Variants in FAM107B observed in about 807,000 individuals in gnomAD.
FAM107B encodes protein FAM107B.
A neutral mutation model predicts 31.5 loss-of-function variants in FAM107B; 21 were observed. That is an observed-to-expected ratio of 0.67 (90% CI 0.47 to 0.96). The LOEUF (loss-of-function observed/expected upper bound fraction) is 0.96. Ranked by LOEUF, FAM107B falls within the 40% of genes least tolerant of loss-of-function variation. The pLI is 0.00. For synonymous variants in FAM107B, 157 were observed against 141.5 expected (o/e 1.11, Z -0.78); for missense variants, 452 against 377.1 (o/e 1.20, Z -1.64).
chr10:14,575,804 CG>C (rs1283163239), intron 2 of FAM107B, among the ~76,000 whole-genome samples: 4 of 152,130 alleles, frequency 2.6e-5, no homozygotes, highest in Admixed American at 2.0e-4. Context: ...TTTTAAAATG[CG>C]GGCTGTGACC....
At chr10:14,692,803 G>C (rs910498796) in intron 1 of FAM107B, among the ~76,000 whole-genome samples, 1 of 152,182 alleles carries the variant, frequency 6.6e-6, no homozygotes, top group Non-Finnish European at 1.5e-5. Context: ...CTTGCTGCAC[G>C]GGCCGGGGTT....
intron 1 of FAM107B, among the ~76,000 whole-genome samples, chr10:14,754,794 A>G (rs1407406567): frequency 1.3e-5 from 2 of 152,252 alleles, no homozygotes; most frequent in Admixed American, 6.5e-5. Flanking sequence ...TGATAGGTAC[A>G]GCACATCTGC....
At chr10:14,718,849 T>C (rs746646456) in intron 1 of FAM107B, among the ~76,000 whole-genome samples, 9 of 152,208 alleles carry the variant, frequency 5.9e-5, no homozygotes, top group Non-Finnish European at 1.2e-4. Context: ...TTAGGAATGC[T>C]AACTTGGCTT....
intron 1 of FAM107B, among the ~76,000 whole-genome samples, chr10:14,670,280 G>A (rs1327574): frequency 0.18 from 27,481 of 152,140 alleles, 2,522 homozygotes; most frequent in Middle Eastern, 0.26. Context: ...ATTGGCATAA[G>A]CAATTTGGGT....
intron 2 of FAM107B, among the ~76,000 whole-genome samples, chr10:14,578,604 C>T (rs1469914565): frequency 1.3e-5 from 2 of 152,128 alleles, no homozygotes; most frequent in Non-Finnish European, 2.9e-5. Flanking sequence ...TCTTCATTTG[C>T]GACATATTTT....
intron 1 of FAM107B, among the ~76,000 whole-genome samples, chr10:14,722,917 A>T (rs753349955): frequency 1.2e-4 from 19 of 152,102 alleles, no homozygotes; most frequent in Non-Finnish European, 1.3e-4. Context: ...ACTTACTCCT[A>T]TGTTTTCTTC....
chr10:14,713,177 C>T (rs1274731387), intron 1 of FAM107B, among the ~76,000 whole-genome samples: 1 of 152,154 alleles, frequency 6.6e-6, no homozygotes. Flanking sequence ...ATTATGTTAC[C>T]TCCCTCAACA....
chr10:14,737,773 T>TCA (rs1856338517), intron 1 of FAM107B, among the ~76,000 whole-genome samples: 1 of 148,686 alleles, frequency 6.7e-6, no homozygotes, highest in Non-Finnish European at 1.5e-5. Flanking sequence ...GCTTTCTCTC[T>TCA]CTCTCTCTCT....
chr10:14,716,567 T>C (rs1004893126), intron 1 of FAM107B, among the ~76,000 whole-genome samples: 3 of 152,210 alleles, frequency 2.0e-5, no homozygotes, highest in African/African-American at 4.8e-5. Flanking sequence ...TGAGTTCCTA[T>C]ATCTGCCTCA....
chr10:14,646,115 T>C (rs1365707910), intron 2 of FAM107B, among the ~76,000 whole-genome samples: 1 of 152,238 alleles, frequency 6.6e-6, no homozygotes, highest in Non-Finnish European at 1.5e-5. Flanking sequence ...GCATGGCTTA[T>C]CTTTCTTTAG....
chr10:14,731,935 C>T (rs1024556683), intron 1 of FAM107B, among the ~76,000 whole-genome samples: 5 of 152,156 alleles, frequency 3.3e-5, no homozygotes, highest in South Asian at 2.1e-4. Flanking sequence ...AACAGATCCC[C>T]GTTGTTAAGC....
At chr10:14,531,942 C>A (rs1564531339) in intron 2 of FAM107B, among the ~76,000 whole-genome samples, 1 of 152,222 alleles carries the variant, frequency 6.6e-6, no homozygotes, top group African/African-American at 2.4e-5. Flanking sequence ...TGTTCTCAGG[C>A]TTAAGTAAGT....
intron 1 of FAM107B, among the ~76,000 whole-genome samples, chr10:14,765,496 A>G (rs908299217): frequency 6.6e-6 from 1 of 152,202 alleles, no homozygotes; most frequent in South Asian, 2.1e-4. Context: ...ATCATGCACG[A>G]TCATGCCACT....
At chr10:14,627,659 G>T (rs1043083602) in intron 2 of FAM107B, among the ~76,000 whole-genome samples, 4 of 152,256 alleles carry the variant, frequency 2.6e-5, no homozygotes, top group Non-Finnish European at 2.9e-5. Context: ...TGTAGTTCCA[G>T]CTCCTTGGAA....
At chr10:14,624,243 C>G (rs1564604448) in intron 2 of FAM107B, among the ~76,000 whole-genome samples, 1 of 152,130 alleles carries the variant, frequency 6.6e-6, no homozygotes, top group East Asian at 1.9e-4. Context: ...ACCATGAAAG[C>G]CATCAGAAGA....
chr10:14,717,763 C>CT (rs35540860), intron 1 of FAM107B, among the ~76,000 whole-genome samples: 13 of 152,138 alleles, frequency 8.5e-5, no homozygotes, highest in African/African-American at 3.1e-4. Flanking sequence ...CCCAGACACC[C>CT]AAGAGCAATG....
intron 1 of FAM107B, among the ~76,000 whole-genome samples, chr10:14,674,760 GCT>G (rs1854641456): frequency 6.6e-6 from 1 of 152,086 alleles, no homozygotes; most frequent in Non-Finnish European, 1.5e-5. Flanking sequence ...ACAGGGTCTC[GCT>G]CTCGCTCTGT....
chr10:14,705,664 C>T (rs1263703529), intron 1 of FAM107B, among the ~76,000 whole-genome samples: 1 of 151,882 alleles, frequency 6.6e-6, no homozygotes, highest in Non-Finnish European at 1.5e-5. Flanking sequence ...CTAGAGTAGT[C>T]AAATGCATAG....
Position 14,590,818 on chromosome 10 carries a change from C to G in FAM107B, c.470-60303G>C, listed in dbSNP as rs1851990451. ...CCAACATGGAGAAACCCTGTCTCTACTAAAAAAAAAAAAACACAAAATTAG... is the reference window on the plus strand; with the variant it reads ...CCAACATGGAGAAACCCTGTCTCTAGTAAAAAAAAAAAAACACAAAATTAG... On this transcript the variant is annotated intron_variant, in intron 2 of 4. Coordinates refer to ENST00000181796, the MANE Select transcript of FAM107B (RefSeq NM_031453.4). Among the ~76,000 whole-genome samples the G allele has an allele frequency of 2.4e-5, 3 of 124,778 alleles. No individual in the cohort carries two copies. The Admixed American group carries it at 2.4e-4, about 10-fold the overall frequency. The allele number at this position is 124,778 out of a possible 152,430, so 81.9% of individuals were successfully genotyped here.
Sources: gnomAD v4.1 joint callset for allele counts (sites outside exome capture counted in the v4.1 genomes callset) on GRCh38, gnomAD v4.1.1 for gene constraint, MANE v1.5 for transcripts, NCBI Gene and HGNC (gene_info 2026-07-23, HGNC 2026-07-21) for gene names.